Variants in MTNAP1 observed in about 807,000 individuals in gnomAD.
The protein encoded by MTNAP1 is mitochondrial nucleoid-associated protein 1.
chr17:73,236,421 A>G, the MTNAP1 span: 1 of 1,614,202 alleles, frequency 6.2e-7, no homozygotes, highest in South Asian at 1.1e-5. Context: ...AAGGAAATGC[A>G]GAGAAAAGTA....
At chr17:73,248,296 G>A in the MTNAP1 span, 24 of 579,806 alleles carry the variant, frequency 4.1e-5, no homozygotes, top group Admixed American at 2.2e-4. Context: ...AAGCCAGTAC[G>A]CTTCAGGTGT....
chr17:73,248,296 G>C, the MTNAP1 span: 219 of 579,802 alleles, frequency 3.8e-4, 3 homozygotes, highest in Admixed American at 6.8e-3. Flanking sequence ...AAGCCAGTAC[G>C]CTTCAGGTGT....
the MTNAP1 span, chr17:73,247,198 ATGCCC>A: frequency 8.3e-6 from 13 of 1,571,162 alleles, no homozygotes; most frequent in Non-Finnish European, 1.1e-5. Context: ...CAGAAACCAT[ATGCCC>A]TGAAAAGCTG....
At chr17:73,237,061 A>T in the MTNAP1 span, 2 of 1,395,812 alleles carry the variant, frequency 1.4e-6, no homozygotes, top group Non-Finnish European at 1.9e-6. Context: ...TTTTGAATTT[A>T]TAAGGGTCAA....
At chr17:73,236,969 G>A in the MTNAP1 span, 2 of 1,583,018 alleles carry the variant, frequency 1.3e-6, no homozygotes, top group Non-Finnish European at 8.6e-7. Context: ...CAACTTATCA[G>A]TCCCCAGGGG....
the MTNAP1 span, chr17:73,236,370 A>C: frequency 6.2e-7 from 1 of 1,614,026 alleles, no homozygotes; most frequent in South Asian, 1.1e-5. Context: ...TGGAGAAACA[A>C]GAGAAAGGAC....
At chr17:73,239,520 C>CTTTTT in the MTNAP1 span, among the ~76,000 whole-genome samples, 19 of 141,512 alleles carry the variant, frequency 1.3e-4, 1 homozygote, top group Non-Finnish European at 1.5e-4. Context: ...CTTCAGACAT[C>CTTTTT]TTTTTTTTTT....
chr17:73,237,998 G>A, the MTNAP1 span, among the ~76,000 whole-genome samples: 5 of 152,140 alleles, frequency 3.3e-5, no homozygotes, highest in Non-Finnish European at 7.4e-5. Context: ...GGAGAGATGA[G>A]GCGAGAAGGG....
At chr17:73,236,366 A>G in the MTNAP1 span, 1 of 1,614,180 alleles carries the variant, frequency 6.2e-7, no homozygotes, top group East Asian at 2.2e-5. Flanking sequence ...GTCATGGAGA[A>G]ACAAGAGAAA....
the MTNAP1 span, chr17:73,236,437 G>A: frequency 1.9e-6 from 3 of 1,614,140 alleles, no homozygotes; most frequent in South Asian, 2.2e-5. Context: ...AAGTATGTCT[G>A]CAACAGAAAA....
At chr17:73,245,443 AC>A in the MTNAP1 span, 355 of 1,169,880 alleles carry the variant, frequency 3.0e-4, no homozygotes, top group Non-Finnish European at 3.6e-4. Context: ...TTAGAGAAAA[AC>A]TAGTTTTGTT....
At chr17:73,245,635 A>G in the MTNAP1 span, 8 of 985,296 alleles carry the variant, frequency 8.1e-6, no homozygotes, top group Non-Finnish European at 9.6e-6. Flanking sequence ...AGCCCACATC[A>G]GGCCCTTCCC....
chr17:73,242,100 C>A, the MTNAP1 span: 1 of 500,686 alleles, frequency 2.0e-6, no homozygotes. Context: ...CAACACTTAG[C>A]TGCAGTCCAA....
At chr17:73,241,877 C>G in the MTNAP1 span, among the ~76,000 whole-genome samples, 1 of 152,000 alleles carries the variant, frequency 6.6e-6, no homozygotes, top group Non-Finnish European at 1.5e-5. Flanking sequence ...TGCAGTGAGC[C>G]AAGATCATGC....
At chr17:73,242,893 C>T in the MTNAP1 span, 2 of 1,609,154 alleles carry the variant, frequency 1.2e-6, no homozygotes, top group African/African-American at 1.3e-5. Flanking sequence ...TCCTTTTGAA[C>T]AGGCTGGATC....
At chr17:73,238,017 G>C in the MTNAP1 span, among the ~76,000 whole-genome samples, 2,307 of 152,264 alleles carry the variant, frequency 0.015, 28 homozygotes, top group Non-Finnish European at 0.021. Context: ...GGCTTGGGGC[G>C]AAAGACTGAA....
the MTNAP1 span, chr17:73,248,058 C>T: frequency 6.3e-6 from 1 of 159,884 alleles, no homozygotes; most frequent in Non-Finnish European, 1.4e-5. Flanking sequence ...AGATTTAGAT[C>T]TAAACAAACT....
the MTNAP1 span, chr17:73,242,416 C>G: frequency 8.7e-7 from 1 of 1,144,918 alleles, no homozygotes; most frequent in East Asian, 2.5e-5. Context: ...AGTTTCTCTT[C>G]GGGCTGTTAA....
chr17:73,235,851 A>C, the MTNAP1 span: 1 of 1,614,166 alleles, frequency 6.2e-7, no homozygotes, highest in Non-Finnish European at 8.5e-7. Flanking sequence ...TCAAAATGTT[A>C]AAAAATACTA....
Sources: allele counts gnomAD v4.1 joint callset (sites outside exome capture counted in the v4.1 genomes callset), GRCh38; gene constraint gnomAD v4.1.1; transcripts MANE v1.5; gene names NCBI Gene and HGNC (gene_info 2026-07-23, HGNC 2026-07-21).